PPP1R1C: variants seen among roughly 807,000 people sequenced by gnomAD.
PPP1R1C encodes protein phosphatase 1 regulatory subunit 1C.
In PPP1R1C, 15 loss-of-function variants were observed where a neutral mutation model predicts 17.4. That is an observed-to-expected ratio of 0.86 (90% CI 0.58 to 1.33). PPP1R1C has a LOEUF of 1.33. PPP1R1C is among the 40% of genes most tolerant of loss of function. PPP1R1C has a pLI of 0.00. For missense variants in PPP1R1C, 143 were observed against 130.0 expected, an observed-to-expected ratio of 1.10 and a Z score of -0.48; for synonymous variants, 35 against 43.1, an observed-to-expected ratio of 0.81 and a Z score of 0.73.
intron 2 of PPP1R1C, among the ~76,000 whole-genome samples, chr2:182,033,737 A>T (rs577490906): frequency 6.6e-6 from 1 of 152,148 alleles, no homozygotes; most frequent in East Asian, 1.9e-4. Context: ...TCCTCTATTT[A>T]TGAAGCCCTT....
rs558625531 is a variant in PPP1R1C at position 182,086,130 on chromosome 2, C to T, written c.241+22339C>T. On this transcript the variant is annotated intron_variant, in intron 4 of 4. Transcript: ENST00000682840. ...TACCAAGAGGAAAATATTGCAATAG[C>T]TAAAACATTATTGAAAGATAAATGA... Among the ~76,000 whole-genome samples the T allele has an allele frequency of 1.2e-4, 18 of 151,528 alleles. No homozygotes were observed. In the South Asian group the frequency reaches 3.3e-3, roughly 28 times the overall value.
intron 4 of PPP1R1C, among the ~76,000 whole-genome samples, chr2:182,102,402 G>A (rs78613633): frequency 0.016 from 2,433 of 152,178 alleles, 36 homozygotes; most frequent in South Asian, 0.056. Flanking sequence ...TAACAGTGCC[G>A]CACATTCTCA....
chr2:182,071,605 G>A (rs1688142433), intron 4 of PPP1R1C, among the ~76,000 whole-genome samples: 1 of 152,078 alleles, frequency 6.6e-6, no homozygotes, highest in Admixed American at 6.6e-5. Flanking sequence ...TTAAAGAGTG[G>A]GAAGCTGCAC....
At chr2:182,046,564 CAAAAAAA>C (rs146696724) in intron 2 of PPP1R1C, among the ~76,000 whole-genome samples, 7 of 119,118 alleles carry the variant, frequency 5.9e-5, no homozygotes, top group African/African-American at 1.5e-4. Context: ...CGTCTCTACT[CAAAAAAA>C]AAAAAAAAAA....
intron 4 of PPP1R1C, among the ~76,000 whole-genome samples, chr2:182,082,620 G>A (rs189141030): frequency 4.9e-4 from 74 of 152,250 alleles, no homozygotes; most frequent in African/African-American, 1.6e-3. Flanking sequence ...GAAGAACATA[G>A]ACTCAATAAG....
chr2:182,096,754 C>T (rs757319614), intron 4 of PPP1R1C, among the ~76,000 whole-genome samples: 1 of 152,120 alleles, frequency 6.6e-6, no homozygotes, highest in African/African-American at 2.4e-5. Context: ...TCCGCAAAAC[C>T]CTGATTCCTG....
At chr2:182,081,177 A>G (rs943372715) in intron 4 of PPP1R1C, among the ~76,000 whole-genome samples, 2 of 152,186 alleles carry the variant, frequency 1.3e-5, no homozygotes, top group African/African-American at 4.8e-5. Flanking sequence ...CTACATCTTT[A>G]GCTGCTATTG....
intron 4 of PPP1R1C, among the ~76,000 whole-genome samples, chr2:182,080,724 G>GGA (rs1688450481): frequency 2.6e-5 from 4 of 151,342 alleles, no homozygotes; most frequent in Non-Finnish European, 1.5e-5. Context: ...GCTTTAAGGG[G>GGA]AAAAAAAAAG....
intron 5 of PPP1R1C, among the ~76,000 whole-genome samples, chr2:182,123,450 C>T (rs1689787693): frequency 6.6e-6 from 1 of 152,208 alleles, no homozygotes; most frequent in Admixed American, 6.5e-5. Context: ...AATGGTTGAA[C>T]TAGTTTACAC....
chr2:182,113,508 C>T (rs1403062178), intron 4 of PPP1R1C, among the ~76,000 whole-genome samples: 5 of 152,130 alleles, frequency 3.3e-5, no homozygotes, highest in Admixed American at 2.0e-4. Flanking sequence ...GTCTGACCAA[C>T]ACGTGGTTAG....
intron 4 of PPP1R1C, among the ~76,000 whole-genome samples, chr2:182,098,477 ATTAAC>A (rs999438182): frequency 4.6e-5 from 7 of 152,198 alleles, no homozygotes; most frequent in East Asian, 1.9e-4. Flanking sequence ...TGTAAAGAGT[ATTAAC>A]TTAAGAACAA....
At chr2:181,994,705 C>T (rs1685566297) in intron 2 of PPP1R1C, among the ~76,000 whole-genome samples, 2 of 152,144 alleles carry the variant, frequency 1.3e-5, no homozygotes, top group Admixed American at 1.3e-4. Context: ...AGTCCTTATT[C>T]TAAATCCTCT....
intron 2 of PPP1R1C, among the ~76,000 whole-genome samples, chr2:181,980,071 C>G (rs897968652): frequency 3.3e-5 from 5 of 152,130 alleles, no homozygotes; most frequent in African/African-American, 1.2e-4. Context: ...GCCTTCTTCT[C>G]TCAACTGTAT....
intron 4 of PPP1R1C, among the ~76,000 whole-genome samples, chr2:182,084,978 A>C (rs1312576037): frequency 6.6e-6 from 1 of 152,078 alleles, no homozygotes; most frequent in African/African-American, 2.4e-5. Context: ...TCCTTGGTTA[A>C]GTATATTCCT....
chr2:182,040,486 C>T (rs1687148873), intron 2 of PPP1R1C, among the ~76,000 whole-genome samples: 1 of 152,128 alleles, frequency 6.6e-6, no homozygotes, highest in African/African-American at 2.4e-5. Context: ...CATTTGCCCA[C>T]TTTTTAATGG....
chr2:182,036,727 A>G (rs1452106255), intron 2 of PPP1R1C, among the ~76,000 whole-genome samples: 3 of 152,018 alleles, frequency 2.0e-5, no homozygotes, highest in Non-Finnish European at 2.9e-5. Context: ...GTGTATATAT[A>G]TAAAACATAA....
intron 4 of PPP1R1C, among the ~76,000 whole-genome samples, chr2:182,095,352 CT>C (rs1476983674): frequency 1.3e-5 from 2 of 151,946 alleles, no homozygotes; most frequent in African/African-American, 4.8e-5. Flanking sequence ...CCTATATAAT[CT>C]TTTTAAAATT....
intron 4 of PPP1R1C, among the ~76,000 whole-genome samples, chr2:182,081,907 GA>G (rs2125214007): frequency 6.6e-6 from 1 of 152,274 alleles, no homozygotes; most frequent in Non-Finnish European, 1.5e-5. Context: ...ATATCAGGGA[GA>G]AAAGCTTCAT....
At chr2:181,992,618 T>C (rs1368566060) in intron 2 of PPP1R1C, among the ~76,000 whole-genome samples, 1 of 134,968 alleles carries the variant, frequency 7.4e-6, no homozygotes, top group Non-Finnish European at 1.7e-5. Context: ...TTTGGGTAAG[T>C]ACCCAGGAGT....
Sources: allele counts gnomAD v4.1 joint callset (sites outside exome capture counted in the v4.1 genomes callset), GRCh38; gene constraint gnomAD v4.1.1; transcripts MANE v1.5; gene names NCBI Gene and HGNC (gene_info 2026-07-23, HGNC 2026-07-21).